Variants in HEATR4 observed in about 807,000 individuals in gnomAD.
HEATR4 encodes the protein HEAT repeat-containing protein 4.
Under a neutral mutation model 108.8 loss-of-function variants are expected in HEATR4, and 95 were observed. The observed-to-expected ratio is 0.87, with a 90% confidence interval of 0.74 to 1.04. The LOEUF (loss-of-function observed/expected upper bound fraction) is 1.04. Ranked by LOEUF, HEATR4 falls within the 50% of genes least tolerant of loss-of-function variation. The probability of loss-of-function intolerance (pLI) is 0.00; values close to 1 mark genes in which losing one functional copy is unlikely to be tolerated. For missense variants in HEATR4, 1,152 were observed against 1,253.8 expected (o/e 0.92, Z 1.23); for synonymous variants, 443 against 459.4 (o/e 0.96, Z 0.46).
chr14:73,481,890 C>T (rs139023202), intron 17 of HEATR4, among the ~76,000 whole-genome samples: 2,190 of 151,964 alleles, frequency 0.014, 27 homozygotes, highest in Non-Finnish European at 0.025. Context: ...TCCAGCTACT[C>T]GGGAGGCTGA....
At chr14:73,561,352 C>T (rs111584637), upstream of HEATR4, among the ~76,000 whole-genome samples, 13,806 of 146,244 alleles carry the variant, frequency 0.094, 1,009 homozygotes, top group Non-Finnish European at 0.14. Context: ...GGCGACAGAG[C>T]GAGAGTTTAT....
Position 73,539,778 on chromosome 14 carries a change from C to G in HEATR4, c.-151-9534G>C, listed in dbSNP as rs770978829. The G allele has an allele frequency of 4.3e-5, 5 of 117,312 alleles. 2 individuals carry two copies. Among genetic ancestry groups the G allele is most frequent in the Non-Finnish European group, 1.9e-5 (1 of 53,622 alleles). The allele number at this position is 117,312 out of a possible 1,614,324, so 7.3% of individuals were successfully genotyped here. A position where few individuals can be genotyped will look rare whatever the true frequency, so the allele number is the denominator to read the frequency against. ...TCCATCAGCACACGCGTGGGCTGTG[C>G]TCATCGCTGCCGGGGCACTGGGGTT... On this transcript the variant is annotated intron_variant, in intron 1 of 17. Transcript: ENST00000553558.
At position 73,492,839 on chromosome 14, in the gene HEATR4, G is replaced by A; in HGVS notation, c.2844+227C>T. The A allele has an allele frequency of 6.2e-7, 1 of 1,613,940 alleles. No homozygotes were observed. Among genetic ancestry groups the A allele is most frequent in the South Asian group, 1.1e-5 (1 of 91,072 alleles). ...TGGTTCTTATCCAGAGTTTGTGAGAGTGGGGGACCTGCCCTGTGACAGTGT... is the reference window on the plus strand; with the variant it reads ...TGGTTCTTATCCAGAGTTTGTGAGAATGGGGGACCTGCCCTGTGACAGTGT... On this transcript the variant is annotated intron_variant, in intron 17 of 17. Transcript: ENST00000553558. The surrounding 1 kb of genome is among the most constrained non-coding windows in gnomAD (Gnocchi z 4.9).
the HEATR4 span, among the ~76,000 whole-genome samples, chr14:73,579,265 T>TA: frequency 1.5e-3 from 109 of 70,852 alleles, 9 homozygotes; most frequent in South Asian, 2.3e-3. Context: ...TCAAAAAAAT[T>TA]AAAAAAAAAA....
At chr14:73,491,994 A>T (rs371480600) in intron 17 of HEATR4, 1 of 1,613,892 alleles carries the variant, frequency 6.2e-7, no homozygotes, top group East Asian at 2.2e-5. Context: ...GCAGGCTCCA[A>T]CGTTTACCTC....
the HEATR4 span, among the ~76,000 whole-genome samples, chr14:73,625,592 C>T: frequency 6.6e-6 from 1 of 151,514 alleles, no homozygotes; most frequent in African/African-American, 2.4e-5. Context: ...AACTCCTGAC[C>T]TTAGGTGATC....
At chr14:73,503,467 T>C (rs530264234) in intron 10 of HEATR4, among the ~76,000 whole-genome samples, 2 of 152,322 alleles carry the variant, frequency 1.3e-5, no homozygotes, top group African/African-American at 4.8e-5. Flanking sequence ...AGTGCACTTC[T>C]CTCAGAGAGG....
chr14:73,526,406 G>T (rs553802425), intron 2 of HEATR4, among the ~76,000 whole-genome samples: 181 of 152,310 alleles, frequency 1.2e-3, no homozygotes, highest in African/African-American at 4.1e-3. Flanking sequence ...GAGATGCACT[G>T]GTCATGGAGG....
chr14:73,498,966 C>A, intron 13 of HEATR4, 105 bp downstream of exon 13: 1 of 923,690 alleles, frequency 1.1e-6, no homozygotes, highest in Non-Finnish European at 1.8e-6. Flanking sequence ...AAGATCATTA[C>A]CTCTCCTGCA....
intron 17 of HEATR4, chr14:73,490,999 A>C: frequency 3.6e-6 from 5 of 1,373,874 alleles, no homozygotes; most frequent in Non-Finnish European, 3.8e-6. Context: ...CGGGCGGGGA[A>C]GACTGGTGTG....
Position 73,492,018 on chromosome 14 carries a change from C to T in HEATR4, c.2844+1048G>A. 2 of 1,613,990 alleles carry T rather than the reference C, an allele frequency of 1.2e-6. No individual in the cohort carries two copies. On this transcript the variant is annotated intron_variant, in intron 17 of 17. Transcript: ENST00000553558. The surrounding 1 kb of genome is among the most constrained non-coding windows in gnomAD (Gnocchi z 4.9). ...AACGTTTACCTCACGCCCCCTAACT[C>T]GCAGGGCTTTGCCCCCCACTACGAC... is the stretch of plus-strand genomic sequence containing the variant.
chr14:73,496,259 T>C (rs1476663695), intron 15 of HEATR4, among the ~76,000 whole-genome samples: 2 of 152,194 alleles, frequency 1.3e-5, no homozygotes, highest in African/African-American at 4.8e-5. Flanking sequence ...CCCTTATTCC[T>C]TCTCTATGCC....
At chr14:73,586,949 C>T in the HEATR4 span, among the ~76,000 whole-genome samples, 2 of 152,182 alleles carry the variant, frequency 1.3e-5, no homozygotes, top group East Asian at 3.9e-4. Context: ...AAGCAGTCTT[C>T]CCACCTGGGT....
the HEATR4 span, among the ~76,000 whole-genome samples, chr14:73,576,289 T>C: frequency 8.1e-3 from 1,228 of 152,114 alleles, 19 homozygotes; most frequent in African/African-American, 0.027. Flanking sequence ...GCCTATAAAC[T>C]GATTACTAGT....
chr14:73,587,106 A>G, the HEATR4 span, among the ~76,000 whole-genome samples: 2 of 151,034 alleles, frequency 1.3e-5, no homozygotes, highest in Non-Finnish European at 2.9e-5. Context: ...CTAATATAGA[A>G]AAATTAAATG....
intron 1 of HEATR4, chr14:73,537,342 C>G: frequency 8.6e-7 from 1 of 1,156,132 alleles, no homozygotes; most frequent in Non-Finnish European, 1.2e-6. Context: ...CGACGGCAGC[C>G]CGAGAGGAAG....
At chr14:73,569,804 G>C in the HEATR4 span, 1 of 1,602,724 alleles carries the variant, frequency 6.2e-7, no homozygotes, top group Non-Finnish European at 8.5e-7. Context: ...CGCGGCACGA[G>C]CGCTACTTCC....
In HEATR4 at chr14:73,486,268, A is replaced by G. The variant is rs543010201; in HGVS notation, c.2844+6798T>C. 4.6e-5 allele frequency among the ~76,000 whole-genome samples: 7 copies of G among 152,308 alleles called. No individual in the cohort carries two copies. In the South Asian group the frequency reaches 8.3e-4, roughly 18 times the overall value. On this transcript the variant is annotated intron_variant, in intron 17 of 17. Coordinates refer to ENST00000553558, the MANE Select transcript of HEATR4 (RefSeq NM_001220484.1). ...CAAAAATATCTCTAGATATTGCTAA[A>G]TGACCCCTGGGGGTGCAAAATAGCC...
chr14:73,594,964 C>A, the HEATR4 span: 3 of 1,519,508 alleles, frequency 2.0e-6, no homozygotes, highest in Non-Finnish European at 2.7e-6. Context: ...CTCCGCCTCG[C>A]AGAGTGTTGG....
Sources: gnomAD v4.1 joint callset for allele counts (sites outside exome capture counted in the v4.1 genomes callset) on GRCh38, gnomAD v4.1.1 for gene constraint, Gnocchi (gnomAD v3.1) non-coding constraint, MANE v1.5 for transcripts, NCBI Gene and HGNC (gene_info 2026-07-23, HGNC 2026-07-21) for gene names.